POM121: variants seen among roughly 807,000 people sequenced by gnomAD.
POM121 encodes the protein nuclear envelope pore membrane protein POM 121.
POM121 carries 32 observed loss-of-function variants against 81.3 expected under a neutral mutation model. That is an observed-to-expected ratio of 0.39 (90% CI 0.30 to 0.53). POM121 has a LOEUF of 0.53. Ranked by LOEUF, POM121 falls within the 20% of genes least tolerant of loss-of-function variation. The pLI, the probability that POM121 is intolerant of heterozygous loss-of-function variation, is 0.66. For synonymous variants in POM121, 514 were observed against 694.2 expected, an observed-to-expected ratio of 0.74 and a Z score of 4.08; for missense variants, 1,138 against 1,614.6, an observed-to-expected ratio of 0.70 and a Z score of 5.06.
intron 3 of POM121, among the ~76,000 whole-genome samples, chr7:72,909,986 C>T (rs782479279): frequency 6.6e-6 from 1 of 152,186 alleles, no homozygotes; most frequent in African/African-American, 2.4e-5. Flanking sequence ...TCCACATTGC[C>T]GTTGAGCTCT....
intron 2 of POM121, 136 bp from the exon 3 acceptor site, chr7:72,926,666 C>G (rs1201297651): frequency 7.5e-6 from 11 of 1,475,908 alleles, no homozygotes; most frequent in Non-Finnish European, 1.0e-5. Flanking sequence ...GCTTTACTTG[C>G]TAACGGGAAC....
At chr7:72,905,217 T>C (rs1793121678) in intron 3 of POM121, among the ~76,000 whole-genome samples, 1 of 152,216 alleles carries the variant, frequency 6.6e-6, no homozygotes, top group African/African-American at 2.4e-5. Context: ...CACGTTATAT[T>C]TTCACTTTTA....
intron 3 of POM121, among the ~76,000 whole-genome samples, chr7:72,898,795 CAAA>C (rs36029915): frequency 8.7e-5 from 5 of 57,300 alleles, no homozygotes; most frequent in Non-Finnish European, 1.7e-4. Flanking sequence ...GAGACTGTCT[CAAA>C]AAAAAAAAAA....
At chr7:72,948,799 G>A (rs782391225), downstream of POM121, 15 of 1,558,286 alleles carry the variant, frequency 9.6e-6, no homozygotes, top group African/African-American at 6.9e-5. Flanking sequence ...CAGGCAGGGC[G>A]GGAGCTAGCC....
At chr7:72,892,042 C>T (rs1159696153) in intron 3 of POM121, among the ~76,000 whole-genome samples, 7 of 152,196 alleles carry the variant, frequency 4.6e-5, no homozygotes, top group Non-Finnish European at 7.3e-5. Context: ...TTCCCCTTCC[C>T]CATAACTGGA....
chr7:72,921,982 A>G (rs1554496042), upstream of POM121, among the ~76,000 whole-genome samples: 1 of 152,140 alleles, frequency 6.6e-6, no homozygotes, highest in Non-Finnish European at 1.5e-5. Flanking sequence ...ATATTGCCAA[A>G]TTGCTTTCCA....
At chr7:72,898,620 A>G (rs1431042059) in intron 3 of POM121, among the ~76,000 whole-genome samples, 2 of 152,032 alleles carry the variant, frequency 1.3e-5, no homozygotes, top group Non-Finnish European at 2.9e-5. Context: ...AACATGGCGA[A>G]ATCCTGTCTC....
At chr7:72,914,737 A>G (rs1794138581) in intron 4 of POM121, among the ~76,000 whole-genome samples, 1 of 152,080 alleles carries the variant, frequency 6.6e-6, no homozygotes, top group South Asian at 2.1e-4. Flanking sequence ...TGGTAGGTGC[A>G]CTGTCAATAG....
At chr7:72,946,108 C>T (rs782509478) in intron 12 of POM121, 29 bp from the exon 13 acceptor site, 5 of 1,609,964 alleles carry the variant, frequency 3.1e-6, no homozygotes, top group Non-Finnish European at 4.2e-6. Context: ...TAGCAGCTGC[C>T]CTGATGAGGT....
chr7:72,893,238 C>T (rs1465433919), intron 3 of POM121, among the ~76,000 whole-genome samples: 5 of 151,930 alleles, frequency 3.3e-5, no homozygotes, highest in African/African-American at 7.2e-5. Flanking sequence ...GGATTACAGG[C>T]GTGAGCCACT....
At position 72,925,394 on chromosome 7, in the gene POM121, C is replaced by T. The variant is rs781803002; in HGVS notation, c.273C>T (p.Pro91=). 9.2e-6 allele frequency: 14 copies of T among 1,527,290 alleles called. No homozygotes were observed. The African/African-American group carries it at 1.7e-4, about 18-fold the overall frequency. 94.6% of individuals were successfully genotyped at this position (1,527,290 alleles called of 1,614,324 possible). A position where few individuals can be genotyped will look rare whatever the true frequency, so the allele number is the denominator to read the frequency against. The change falls in exon 1 of 13, where the codon CCC becomes CCT. Residue 91 remains proline, a synonymous_variant. Coordinates refer to ENST00000434423, the MANE Select transcript of POM121 (RefSeq NM_001387691.1). ...TTCGGAAGGCGCGTCATCGGCGCCC[C>T]TTGTCCTCCTTCGTTCGGAAGGCGC... is the stretch of plus-strand genomic sequence containing the variant. The part of the protein sequence containing the change: ...SFVRKARHRR[P]LSSFVRKARH...
intron 10 of POM121, among the ~76,000 whole-genome samples, 161 bp from the exon 11 acceptor site, chr7:72,941,676 C>G (rs1327155617): frequency 1.3e-5 from 2 of 151,998 alleles, no homozygotes; most frequent in African/African-American, 4.8e-5. Context: ...ATAACACTTC[C>G]TTGATTTACT....
chr7:72,946,005 T>A, intron 12 of POM121, 132 bp from the exon 13 acceptor site: 1 of 1,452,352 alleles, frequency 6.9e-7, no homozygotes, highest in South Asian at 1.5e-5. Flanking sequence ...ACAGTGTTTC[T>A]GATGCAGCGG....
downstream of POM121, chr7:72,948,950 G>A: frequency 6.2e-7 from 1 of 1,612,072 alleles, no homozygotes; most frequent in Non-Finnish European, 8.5e-7. Context: ...TTCTCCTCCT[G>A]GCAGAGGGAG....
At chr7:72,927,024 T>G (rs1284303635) in intron 3 of POM121, 61 bp downstream of exon 3, 3 of 1,610,830 alleles carry the variant, frequency 1.9e-6, no homozygotes, top group Non-Finnish European at 2.5e-6. Flanking sequence ...GGATGAGATG[T>G]AGACATTCCC....
chr7:72,925,751 G>A lies in POM121; in HGVS notation c.630G>A (p.Arg210=). Residue 210 remains arginine (R), a synonymous_variant, in exon 1 of 13, where the codon AGG becomes AGA. Transcript: ENST00000434423. Reference sequence around the variant, plus strand: ...CCACTCCTCTTCTCCGACCCTCCAGGAGGCCTTCCCCACGGTAAGATGCGC... The same window carrying A: ...CCACTCCTCTTCTCCGACCCTCCAGAAGGCCTTCCCCACGGTAAGATGCGC... ...SLPTPLLRPS[R]RPSPRDCGTL... is the part of the protein sequence containing the mutation. The A allele has an allele frequency of 6.4e-6, 8 of 1,243,806 alleles. No individual in the cohort carries two copies. Among genetic ancestry groups the A allele is most frequent in the Non-Finnish European group, 8.1e-6 (8 of 987,280 alleles). The allele number at this position is 1,243,806 out of a possible 1,614,324, so 77.0% of individuals were successfully genotyped here.
intron 4 of POM121, among the ~76,000 whole-genome samples, chr7:72,915,379 T>G (rs1355944069): frequency 6.6e-6 from 1 of 152,162 alleles, no homozygotes; most frequent in African/African-American, 2.4e-5. Flanking sequence ...CATGCACTGC[T>G]TTTTGTTTGT....
At chr7:72,908,712 G>A (rs1793518665) in intron 3 of POM121, among the ~76,000 whole-genome samples, 1 of 152,116 alleles carries the variant, frequency 6.6e-6, no homozygotes, top group Non-Finnish European at 1.5e-5. Flanking sequence ...CTTTCTCAGG[G>A]CTGTTCCTTG....
chr7:72,926,983 A>T lies in POM121; in HGVS notation c.1022+20A>T, dbSNP rs782038455. 1 of 1,613,970 alleles carries T rather than the reference A, an allele frequency of 6.2e-7. No individual in the cohort carries two copies. The highest frequency in any genetic ancestry group is 8.5e-7 in the Non-Finnish European group (1 of 1,179,860). ...AAGAAGGTAACAGGCTCAGGAGAGTACTAAGCCGGTTTCGCGCTTGGACTC... is the reference window on the plus strand; with the variant it reads ...AAGAAGGTAACAGGCTCAGGAGAGTTCTAAGCCGGTTTCGCGCTTGGACTC... On this transcript the variant is annotated intron_variant, in intron 3 of 12. Transcript: ENST00000434423.
Sources: gnomAD v4.1 joint callset for allele counts (sites outside exome capture counted in the v4.1 genomes callset) on GRCh38, gnomAD v4.1.1 for gene constraint, MANE v1.5 for transcripts, NCBI Gene and HGNC (gene_info 2026-07-23, HGNC 2026-07-21) for gene names.